The following TGIF1 variants were observed in gnomAD, a reference collection of about 807,000 sequenced individuals.
TGIF1 encodes homeobox protein TGIF1.
A neutral mutation model predicts 19.3 loss-of-function variants in TGIF1; 4 were observed. The ratio of observed to expected loss-of-function variants is 0.21; its 90% confidence interval spans 0.10 to 0.47. TGIF1 has a LOEUF of 0.47. Among genes scored for constraint, TGIF1 ranks in the 20% least tolerant of loss-of-function variants. The probability of loss-of-function intolerance (pLI) is 0.98; values close to 1 mark genes in which losing one functional copy is unlikely to be tolerated. For synonymous variants in TGIF1, 122 were observed against 129.3 expected, an observed-to-expected ratio of 0.94 and a Z score of 0.38; for missense variants, 275 against 341.4, an observed-to-expected ratio of 0.81 and a Z score of 1.53.
Position 3,450,348 on chromosome 18 carries a change from C to G in TGIF1, c.-142C>G. The G allele has an allele frequency of 6.7e-7, 1 of 1,496,280 alleles. No homozygotes were observed. The highest frequency in any genetic ancestry group is 8.9e-7 in the Non-Finnish European group (1 of 1,118,296). 92.7% of individuals were successfully genotyped at this position (1,496,280 alleles called of 1,614,324 possible). A position where few individuals can be genotyped will look rare whatever the true frequency, so the allele number is the denominator to read the frequency against. ...AGCGGGCGCCTGGGATCAGAGCGTC[C>G]TGTTTAGCAATAACGGCTGGAGCAC... is the stretch of plus-strand genomic sequence containing the variant. On this transcript the variant is annotated 5_prime_UTR_variant, in exon 1 of 3. Transcript: ENST00000343820.
In TGIF1 at chr18:3,451,057, G is replaced by T. The variant is rs924454939; in HGVS notation, c.16+552G>T. Among the ~76,000 whole-genome samples the T allele has an allele frequency of 6.6e-6, 1 of 151,230 alleles. No homozygotes were observed. Among genetic ancestry groups the T allele is most frequent in the Non-Finnish European group, 1.5e-5 (1 of 67,906 alleles). On this transcript the variant is annotated intron_variant, in intron 1 of 2. Transcript: ENST00000343820. The surrounding 1 kb of genome is among the most constrained non-coding windows in gnomAD (Gnocchi z 5.4). ...GGTGTTTTTACGATCGAAGGAATGCGATTCTGGACCCCCTCATCGCCCTCG... is the reference window on the plus strand; with the variant it reads ...GGTGTTTTTACGATCGAAGGAATGCTATTCTGGACCCCCTCATCGCCCTCG...
chr18:3,419,782 G>T (rs2082377433), intron 2 of TGIF1, among the ~76,000 whole-genome samples: 1 of 152,192 alleles, frequency 6.6e-6, no homozygotes, highest in Non-Finnish European at 1.5e-5. Flanking sequence ...AAGGCGAGTG[G>T]ATCACCTGAG....
In TGIF1 at chr18:3,456,221, A is replaced by G; in HGVS notation, c.17-133A>G. On this transcript the variant is annotated intron_variant, in intron 1 of 2. Transcript: ENST00000343820. This position sits in a 1 kb window ranked among gnomAD's most constrained non-coding sequence, Gnocchi z 4.2. ...TACTTGGACCCTGAATTCAGGACAG[A>G]AAACACTGCTCCTTCTCCTCGCTCT... The G allele has an allele frequency of 1.1e-6, 1 of 925,308 alleles. No individual in the cohort carries two copies. The highest frequency in any genetic ancestry group is 1.8e-6 in the Non-Finnish European group (1 of 561,218). 57.3% of individuals were successfully genotyped at this position (925,308 alleles called of 1,614,324 possible).
intron 2 of TGIF1, among the ~76,000 whole-genome samples, chr18:3,428,382 A>G (rs565100862): frequency 6.6e-6 from 1 of 152,282 alleles, no homozygotes; most frequent in African/African-American, 2.4e-5. Context: ...AAGATGAGGT[A>G]GCCATTTTTT....
At chr18:3,425,856 G>A (rs1043036470) in intron 2 of TGIF1, among the ~76,000 whole-genome samples, 7 of 152,158 alleles carry the variant, frequency 4.6e-5, no homozygotes, top group Admixed American at 3.9e-4. Flanking sequence ...TGTGCGGGAA[G>A]AACCCATCAG....
chr18:3,440,859 A>G (rs1211606417), intron 2 of TGIF1, among the ~76,000 whole-genome samples: 2 of 152,234 alleles, frequency 1.3e-5, no homozygotes, highest in African/African-American at 4.8e-5. Context: ...CTCCAAAGGT[A>G]GTAACTGTTA....
At chr18:3,434,831 G>A (rs1038694017) in intron 2 of TGIF1, among the ~76,000 whole-genome samples, 19 of 152,312 alleles carry the variant, frequency 1.2e-4, no homozygotes, top group Admixed American at 5.2e-4. Flanking sequence ...TTGGTGACCC[G>A]TGACCCTCAG....
chr18:3,459,748 G>T lies in TGIF1; in HGVS notation c.*1808G>T, dbSNP rs1457896854. On this transcript the variant is annotated 3_prime_UTR_variant, in exon 3 of 3. Coordinates refer to ENST00000343820, the MANE Select transcript of TGIF1 (RefSeq NM_003244.4). ...ATATGACTCATTTAAAAGAAAAACT[G>T]TAAGTCACCTTAAATTCCCTATGTT... 6.6e-6 allele frequency: 1 copy of T among 152,150 alleles called. No individual in the cohort carries two copies. Among genetic ancestry groups the T allele is most frequent in the Non-Finnish European group, 1.5e-5 (1 of 68,030 alleles). 9.4% of individuals were successfully genotyped at this position (152,150 alleles called of 1,614,324 possible).
intron 1 of TGIF1, 93 bp downstream of exon 1, chr18:3,450,598 T>TTCCGCCC (rs1310088658): frequency 1.3e-6 from 2 of 1,546,576 alleles, no homozygotes; most frequent in Non-Finnish European, 1.7e-6. Flanking sequence ...TGGTGGACTT[T>TTCCGCCC]TCCGCCCAGG....
At chr18:3,432,818 G>A (rs952973353) in intron 2 of TGIF1, among the ~76,000 whole-genome samples, 14 of 151,688 alleles carry the variant, frequency 9.2e-5, no homozygotes, top group African/African-American at 3.1e-4. Flanking sequence ...GGAGTGCAGT[G>A]GTGTGATCTC....
At chr18:3,432,144 ACACT>A (rs1568035001) in intron 2 of TGIF1, among the ~76,000 whole-genome samples, 16 of 138,486 alleles carry the variant, frequency 1.2e-4, no homozygotes, top group African/African-American at 5.5e-5. Flanking sequence ...AAAAAAAAAA[ACACT>A]AAGAAAGCTA....
Position 3,458,009 on chromosome 18 carries a change from A to G in TGIF1, c.*69A>G. On this transcript the variant is annotated 3_prime_UTR_variant, in exon 3 of 3. Transcript: ENST00000343820. ...GGGGTGAAGGCAAGAGATGAATTGC[A>G]TTATTTTATATATTTTTTATTAATA... is the stretch of plus-strand genomic sequence containing the variant. 1.5e-6 allele frequency: 2 copies of G among 1,350,852 alleles called. No homozygotes were observed. The highest frequency in any genetic ancestry group is 1.2e-5 in the South Asian group (1 of 80,696). 83.7% of individuals were successfully genotyped at this position (1,350,852 alleles called of 1,614,324 possible).
intron 2 of TGIF1, among the ~76,000 whole-genome samples, chr18:3,438,515 T>A (rs78963249): frequency 0.06 from 9,155 of 151,572 alleles, 865 homozygotes; most frequent in African/African-American, 0.2. Context: ...CTGTGCTGGC[T>A]AAAAACAGCT....
At chr18:3,439,745 G>T (rs564944580) in intron 2 of TGIF1, among the ~76,000 whole-genome samples, 2 of 152,078 alleles carry the variant, frequency 1.3e-5, no homozygotes, top group Non-Finnish European at 2.9e-5. Flanking sequence ...ATGGGGCCAG[G>T]CGTGGCACCT....
intron 1 of TGIF1, chr18:3,452,092 C>T (rs1292917491): frequency 6.8e-6 from 11 of 1,613,940 alleles, no homozygotes; most frequent in Admixed American, 1.7e-5. Context: ...CCCGGGAATC[C>T]CCAGTGCTCC....
intron 1 of TGIF1, among the ~76,000 whole-genome samples, chr18:3,452,658 TG>T: frequency 6.6e-6 from 1 of 152,160 alleles, no homozygotes; most frequent in African/African-American, 2.4e-5. Flanking sequence ...TTTTCCTCCT[TG>T]GGCCCCTCCC....
intron 2 of TGIF1, among the ~76,000 whole-genome samples, chr18:3,428,736 C>CCA (rs1301506090): frequency 2.1e-5 from 3 of 145,052 alleles, no homozygotes; most frequent in African/African-American, 5.0e-5. Context: ...GACTTCATCT[C>CCA]AAAAAAAAAA....
chr18:3,449,538 T>TTGGCCCCCCC, upstream of TGIF1: 4 of 961,934 alleles, frequency 4.2e-6, no homozygotes, highest in Non-Finnish European at 4.9e-6. Context: ...GTCTCATCAT[T>TTGGCCCCCCC]CCCCCCCGCC....
chr18:3,426,916 C>CTTTTTTTT, intron 2 of TGIF1, among the ~76,000 whole-genome samples: 1 of 100,088 alleles, frequency 1.0e-5, no homozygotes, highest in African/African-American at 4.0e-5. Context: ...AGGATGATCT[C>CTTTTTTTT]TTTTTTTTTT....
Sources: allele counts gnomAD v4.1 joint callset (sites outside exome capture counted in the v4.1 genomes callset), GRCh38; gene constraint gnomAD v4.1.1; non-coding constraint Gnocchi (gnomAD v3.1); transcripts MANE v1.5; gene names NCBI Gene and HGNC (gene_info 2026-07-23, HGNC 2026-07-21).